FARS2: variants seen among roughly 807,000 people sequenced by gnomAD.
The protein encoded by FARS2 is phenylalanyl-tRNA synthetase 2, mitochondrial, also known as phenylalanine--tRNA ligase, mitochondrial.
FARS2 carries 40 observed loss-of-function variants against 46.4 expected under a neutral mutation model. The observed-to-expected ratio is 0.86, with a 90% CI of 0.67 to 1.12. The LOEUF is 1.12. Ranked by LOEUF, FARS2 falls within the 50% of genes most tolerant of loss-of-function variation. FARS2 has a pLI of 0.00. For synonymous variants in FARS2, 234 were observed against 214.9 expected (o/e 1.09, Z -0.78); for missense variants, 513 against 567.9 (o/e 0.90, Z 0.98).
chr6:5,261,780 T>G (rs887026656), intron 1 of FARS2, 120 bp downstream of exon 1: 4 of 152,288 alleles, frequency 2.6e-5, no homozygotes, highest in Non-Finnish European at 5.9e-5. Flanking sequence ...GAGTGAAGAG[T>G]TCCCGTGGTT....
intron 4 of FARS2, among the ~76,000 whole-genome samples, chr6:5,490,744 G>T (rs140486797): frequency 6.6e-6 from 1 of 152,296 alleles, no homozygotes; most frequent in African/African-American, 2.4e-5. Context: ...GCTGTATTGT[G>T]AGCAGCCTTA....
intron 6 of FARS2, among the ~76,000 whole-genome samples, chr6:5,688,462 G>A (rs1192746696): frequency 5.9e-5 from 9 of 152,194 alleles, no homozygotes; most frequent in Non-Finnish European, 4.4e-5. Context: ...AGATAATCGT[G>A]TGGTTTTTGT....
At chr6:5,737,310 A>G (rs1180585723) in intron 6 of FARS2, among the ~76,000 whole-genome samples, 4 of 152,228 alleles carry the variant, frequency 2.6e-5, no homozygotes, top group African/African-American at 7.2e-5. Flanking sequence ...AGGTGGGTGG[A>G]TCACGAGGTC....
At chr6:5,344,576 G>A (rs570418039) in intron 1 of FARS2, among the ~76,000 whole-genome samples, 4 of 152,274 alleles carry the variant, frequency 2.6e-5, no homozygotes, top group African/African-American at 9.6e-5. Flanking sequence ...GTGTATGAAA[G>A]GACACATTGC....
At chr6:5,358,226 G>A (rs1360141260) in intron 1 of FARS2, among the ~76,000 whole-genome samples, 1 of 151,956 alleles carries the variant, frequency 6.6e-6, no homozygotes, top group Non-Finnish European at 1.5e-5. Context: ...TAACTATTCT[G>A]CTTGCTAAAT....
At chr6:5,330,750 T>C (rs946473457) in intron 1 of FARS2, among the ~76,000 whole-genome samples, 5 of 152,206 alleles carry the variant, frequency 3.3e-5, no homozygotes. Flanking sequence ...AGAATATGTA[T>C]GTATTTGAGT....
At chr6:5,633,043 T>A (rs1359865848) in intron 6 of FARS2, among the ~76,000 whole-genome samples, 1 of 152,000 alleles carries the variant, frequency 6.6e-6, no homozygotes, top group Admixed American at 6.6e-5. Flanking sequence ...AGTATTGGAT[T>A]TTTGTTATTA....
intron 4 of FARS2, among the ~76,000 whole-genome samples, chr6:5,521,659 G>T (rs1769145526): frequency 6.6e-6 from 1 of 152,162 alleles, no homozygotes; most frequent in Admixed American, 6.5e-5. Flanking sequence ...CTAAAATTTG[G>T]ATACAGGCAA....
At chr6:5,659,212 G>C (rs535527130) in intron 6 of FARS2, among the ~76,000 whole-genome samples, 13 of 152,110 alleles carry the variant, frequency 8.5e-5, no homozygotes, top group African/African-American at 2.4e-4. Flanking sequence ...GTTAGAGCTG[G>C]GAAAAAGATC....
At position 5,548,032 on chromosome 6, in the gene FARS2, C is replaced by T. The variant is rs532884729; in HGVS notation, c.1065+2692C>T. Among the ~76,000 whole-genome samples the T allele has an allele frequency of 7.2e-5, 11 of 152,246 alleles. No homozygotes were observed. The South Asian group carries it at 1.2e-3, about 17-fold the overall frequency. The stretch of plus-strand genomic sequence containing the variant: ...GGCTGGGGAGGCCTCAGAATCATGG[C>T]GGTGGGCGAAAGGCACTTCTTACAT... On this transcript the variant is annotated intron_variant, in intron 5 of 6. Coordinates refer to ENST00000274680, the MANE Select transcript of FARS2 (RefSeq NM_006567.5).
At chr6:5,282,178 T>A (rs948357185) in intron 1 of FARS2, among the ~76,000 whole-genome samples, 3 of 152,214 alleles carry the variant, frequency 2.0e-5, no homozygotes, top group Admixed American at 6.5e-5. Flanking sequence ...TTTTTGGAAT[T>A]TCAAGGAAAG....
intron 3 of FARS2, among the ~76,000 whole-genome samples, chr6:5,424,199 C>T (rs1762720879): frequency 6.6e-6 from 1 of 152,182 alleles, no homozygotes; most frequent in Non-Finnish European, 1.5e-5. Context: ...TTGTATTCTT[C>T]CACCAGTTAG....
At chr6:5,342,024 T>C (rs967242120) in intron 1 of FARS2, among the ~76,000 whole-genome samples, 2 of 152,182 alleles carry the variant, frequency 1.3e-5, no homozygotes, top group African/African-American at 2.4e-5. Flanking sequence ...CATGATCATA[T>C]TGGAAAGCAT....
chr6:5,510,490 G>A (rs1457613286), intron 4 of FARS2, among the ~76,000 whole-genome samples: 1 of 152,210 alleles, frequency 6.6e-6, no homozygotes, highest in Non-Finnish European at 1.5e-5. Flanking sequence ...TTTCGCCCTA[G>A]TTAGTCTTTA....
intron 1 of FARS2, among the ~76,000 whole-genome samples, chr6:5,335,791 G>T (rs1412456769): frequency 6.6e-6 from 1 of 152,178 alleles, no homozygotes; most frequent in Admixed American, 6.5e-5. Flanking sequence ...CAATTGGAAA[G>T]TGAAAAATTA....
intron 1 of FARS2, among the ~76,000 whole-genome samples, chr6:5,264,884 C>T (rs926444191): frequency 1.3e-5 from 2 of 152,030 alleles, no homozygotes; most frequent in South Asian, 4.2e-4. Flanking sequence ...ACTTCAAACT[C>T]CCGTGCTGAA....
chr6:5,474,925 T>C (rs1561646541), intron 4 of FARS2, among the ~76,000 whole-genome samples: 1 of 152,126 alleles, frequency 6.6e-6, no homozygotes, highest in Non-Finnish European at 1.5e-5. Context: ...CCCAAAGTAC[T>C]GGGATTACAG....
At chr6:5,300,735 A>G (rs1768239454) in intron 1 of FARS2, among the ~76,000 whole-genome samples, 2 of 151,902 alleles carry the variant, frequency 1.3e-5, no homozygotes, top group African/African-American at 2.4e-5. Flanking sequence ...CAGTGATGCC[A>G]TCATAGCTTA....
At chr6:5,601,469 A>C (rs144154930) in intron 5 of FARS2, among the ~76,000 whole-genome samples, 2,211 of 143,174 alleles carry the variant, frequency 0.015, 30 homozygotes, top group South Asian at 0.02. Flanking sequence ...GGTTGCGGTG[A>C]GCCAAGATCA....
Sources: allele counts gnomAD v4.1 joint callset (sites outside exome capture counted in the v4.1 genomes callset), GRCh38; gene constraint gnomAD v4.1.1; transcripts MANE v1.5; gene names NCBI Gene and HGNC (gene_info 2026-07-23, HGNC 2026-07-21).